Variants in ACSM3 observed in about 807,000 individuals in gnomAD.
ACSM3 encodes acyl-coenzyme A synthetase ACSM3, mitochondrial.
ACSM3 carries 61 observed loss-of-function variants against 74.1 expected under a neutral mutation model. The observed-to-expected ratio is 0.82, with a 90% CI of 0.67 to 1.02. ACSM3 has a LOEUF of 1.02. Ranked by LOEUF, ACSM3 falls within the 50% of genes least tolerant of loss-of-function variation. ACSM3 has a pLI of 0.00. For missense variants in ACSM3, 660 were observed against 697.0 expected, an observed-to-expected ratio of 0.95 and a Z score of 0.60; for synonymous variants, 213 against 241.5, an observed-to-expected ratio of 0.88 and a Z score of 1.09.
intron 1 of ACSM3, chr16:20,738,856 G>A: frequency 6.2e-7 from 1 of 1,603,848 alleles, no homozygotes; most frequent in Non-Finnish European, 8.5e-7. Context: ...AAGATACCCA[G>A]ATGTTATGAG....
chr16:20,683,693 TTCTTTCTTTCTCTCTCTCTCTC>T (rs1183577287), intron 1 of ACSM3, among the ~76,000 whole-genome samples: 1 of 112,906 alleles, frequency 8.9e-6, no homozygotes, highest in African/African-American at 3.3e-5. Flanking sequence ...GGCTAATTCT[TTCTTTCTTTCTCTCTCTCTCTC>T]TCTTTCTTTC....
rs71842093 is a variant in ACSM3, at chr16:20,685,819, C to CAAAAAAAA, written c.-190+11002_-190+11009dup. On this transcript the variant is annotated intron_variant, in intron 1 of 3. Transcript: ENST00000561584. Reference sequence around the variant, plus strand: ...TGGATGACACAGTGAGACTCCGTCTCAAAAAAAAAAAACAAACAAAAAAAA... The same window carrying CAAAAAAAA: ...TGGATGACACAGTGAGACTCCGTCTCAAAAAAAAAAAAAAAAAAAACAAACAAAAAAAA... Among the ~76,000 whole-genome samples the CAAAAAAAA allele has an allele frequency of 1.0e-3, 52 of 50,154 alleles. 9 individuals are homozygous for CAAAAAAAA. Among genetic ancestry groups the CAAAAAAAA allele is most frequent in the Non-Finnish European group, 1.4e-3 (43 of 30,834 alleles). The allele number at this position is 50,154 out of a possible 152,430, so 32.9% of individuals were successfully genotyped here.
intron 3 of ACSM3, among the ~76,000 whole-genome samples, chr16:20,756,568 C>T (rs2080033475): frequency 6.6e-6 from 1 of 152,114 alleles, no homozygotes; most frequent in Non-Finnish European, 1.5e-5. Context: ...CGAAAATTTT[C>T]TCCCATTTTG....
intron 1 of ACSM3, among the ~76,000 whole-genome samples, chr16:20,709,842 T>G (rs760183624): frequency 7.9e-5 from 12 of 152,242 alleles, no homozygotes; most frequent in African/African-American, 1.2e-4. Flanking sequence ...ATAGCACAAG[T>G]CTTGGGAGTC....
chr16:20,789,004 G>A (rs2080534688), intron 9 of ACSM3, among the ~76,000 whole-genome samples: 1 of 152,120 alleles, frequency 6.6e-6, no homozygotes, highest in Non-Finnish European at 1.5e-5. Flanking sequence ...TCTCCATGCA[G>A]GCCACACCTC....
At chr16:20,685,546 G>A (rs903539274) in intron 1 of ACSM3, 11 of 779,838 alleles carry the variant, frequency 1.4e-5, no homozygotes, top group Admixed American at 6.7e-5. Flanking sequence ...ATACAGCCAG[G>A]CGCAGTGGCT....
intron 2 of ACSM3, among the ~76,000 whole-genome samples, chr16:20,753,462 C>CGAA (rs2080003985): frequency 9.8e-6 from 1 of 101,616 alleles, no homozygotes; most frequent in Admixed American, 1.1e-4. Flanking sequence ...AGACTGTCTC[C>CGAA]AAAAAAAAAA....
intron 1 of ACSM3, among the ~76,000 whole-genome samples, chr16:20,677,227 A>G (rs80081610): frequency 2.9e-5 from 2 of 68,436 alleles, no homozygotes; most frequent in Admixed American, 3.4e-4. Context: ...TAAAGAAATT[A>G]AAAAAAAAAA....
chr16:20,685,485 C>T (rs755176683), intron 1 of ACSM3: 2 of 1,298,922 alleles, frequency 1.5e-6, no homozygotes, highest in Non-Finnish European at 2.2e-6. Context: ...GCCATAGTCA[C>T]GTTCCAATGT....
chr16:20,782,017 C>T (rs1275830041), intron 7 of ACSM3, among the ~76,000 whole-genome samples: 1 of 152,134 alleles, frequency 6.6e-6, no homozygotes, highest in Non-Finnish European at 1.5e-5. Context: ...ATGTTTATAG[C>T]TCTAAGCCCA....
chr16:20,720,081 G>A (rs897060292), intron 1 of ACSM3, among the ~76,000 whole-genome samples: 3 of 152,210 alleles, frequency 2.0e-5, no homozygotes, highest in Non-Finnish European at 2.9e-5. Context: ...GCCTGACACG[G>A]TGGTTTAAGG....
At chr16:20,774,390 A>G (rs2080230223) in intron 2 of ACSM3, among the ~76,000 whole-genome samples, 1 of 151,976 alleles carries the variant, frequency 6.6e-6, no homozygotes, top group Non-Finnish European at 1.5e-5. Flanking sequence ...TACAAGGTGC[A>G]CGCTATCATG....
intron 1 of ACSM3, among the ~76,000 whole-genome samples, chr16:20,693,882 T>A (rs1390410009): frequency 6.6e-6 from 1 of 152,214 alleles, no homozygotes; most frequent in Non-Finnish European, 1.5e-5. Flanking sequence ...AAGACTTTCC[T>A]CCCCATCTAA....
chr16:20,711,208 G>C (rs2079742730), intron 1 of ACSM3, among the ~76,000 whole-genome samples: 1 of 151,992 alleles, frequency 6.6e-6, no homozygotes, highest in Non-Finnish European at 1.5e-5. Context: ...TACAGATAAG[G>C]AAAAAAAGAC....
At chr16:20,699,030 G>A (rs1050276021) in intron 1 of ACSM3, 1 of 152,194 alleles carries the variant, frequency 6.6e-6, no homozygotes, top group Non-Finnish European at 1.5e-5. Context: ...GAATCCCAAA[G>A]TCTTGAGCTT....
intron 1 of ACSM3, among the ~76,000 whole-genome samples, chr16:20,715,954 G>A (rs1359289243): frequency 6.6e-6 from 1 of 152,174 alleles, no homozygotes; most frequent in Non-Finnish European, 1.5e-5. Context: ...CTCAAGTCAG[G>A]CTGGCTGCCA....
chr16:20,701,536 A>C (rs996723167), intron 1 of ACSM3, among the ~76,000 whole-genome samples: 4 of 152,202 alleles, frequency 2.6e-5, no homozygotes, highest in South Asian at 2.1e-4. Flanking sequence ...TTTTTAAAAA[A>C]ATTTTTACTT....
At chr16:20,682,327 G>C (rs773618743) in intron 1 of ACSM3, 2 of 1,614,036 alleles carry the variant, frequency 1.2e-6, no homozygotes, top group South Asian at 1.1e-5. Flanking sequence ...TTTTCAGAGA[G>C]GGGCACTGAG....
chr16:20,751,068 C>T (rs1008311212), intron 2 of ACSM3, among the ~76,000 whole-genome samples: 1 of 152,180 alleles, frequency 6.6e-6, no homozygotes, highest in African/African-American at 2.4e-5. Flanking sequence ...TCTCAAAATC[C>T]GTCTGCCTCA....
Sources: gnomAD v4.1 joint callset for allele counts (sites outside exome capture counted in the v4.1 genomes callset) on GRCh38, gnomAD v4.1.1 for gene constraint, MANE v1.5 for transcripts, NCBI Gene and HGNC (gene_info 2026-07-23, HGNC 2026-07-21) for gene names.